The following LINGO2 variants were observed in gnomAD, a reference collection of about 807,000 sequenced individuals.
LINGO2 encodes leucine rich repeat and Ig domain containing 2, also known as leucine-rich repeat and immunoglobulin-like domain-containing nogo receptor-interacting protein 2.
Under a neutral mutation model 30.6 loss-of-function variants are expected in LINGO2, and 14 were observed. That is an observed-to-expected ratio of 0.46 (90% CI 0.30 to 0.72). The LOEUF (loss-of-function observed/expected upper bound fraction) is 0.72, where lower values mean the gene tolerates loss of function less well. LINGO2 is among the 30% of genes least tolerant of loss of function. The pLI is 0.07. For synonymous variants in LINGO2, 317 were observed against 288.5 expected (o/e 1.10, Z -1.00); for missense variants, 729 against 751.7 (o/e 0.97, Z 0.35).
chr9:29,003,143 C>T, the LINGO2 span, among the ~76,000 whole-genome samples: 5 of 152,094 alleles, frequency 3.3e-5, no homozygotes, highest in African/African-American at 1.2e-4. Flanking sequence ...TCCCCTAGAG[C>T]CTTCAGAGAG....
At chr9:28,334,486 G>C (rs114338155) in intron 3 of LINGO2, among the ~76,000 whole-genome samples, 1 of 152,252 alleles carries the variant, frequency 6.6e-6, no homozygotes, top group African/African-American at 2.4e-5. Context: ...TTAACTCTGT[G>C]ACTGCTTTTT....
At chr9:28,468,312 T>C (rs1255174433) in intron 2 of LINGO2, among the ~76,000 whole-genome samples, 2 of 152,188 alleles carry the variant, frequency 1.3e-5, no homozygotes, top group African/African-American at 4.8e-5. Flanking sequence ...TAGATCATAT[T>C]TGCAAGGTTA....
At chr9:28,493,144 C>T (rs764266713) in intron 1 of LINGO2, among the ~76,000 whole-genome samples, 1 of 151,922 alleles carries the variant, frequency 6.6e-6, no homozygotes, top group African/African-American at 2.4e-5. Flanking sequence ...TATTTCCAGG[C>T]GATTATTTGC....
At chr9:28,068,500 A>G (rs1349657653) in intron 4 of LINGO2, among the ~76,000 whole-genome samples, 1 of 152,154 alleles carries the variant, frequency 6.6e-6, no homozygotes, top group Admixed American at 6.5e-5. Context: ...TTGGGGGTAG[A>G]GCTTCAATAT....
chr9:28,768,754 C>A, the LINGO2 span, among the ~76,000 whole-genome samples: 1 of 151,894 alleles, frequency 6.6e-6, no homozygotes, highest in African/African-American at 2.4e-5. Context: ...TATAGTACTT[C>A]ATGGCTTTTA....
rs544085402 is a variant in LINGO2 at position 27,997,402 on chromosome 9, C to A, written c.-36+14953G>T. Among the ~76,000 whole-genome samples, 15 of 152,244 alleles carry A rather than the reference C, an allele frequency of 9.9e-5. No homozygotes were observed. In the South Asian group the frequency reaches 2.5e-3, roughly 25 times the overall value. Reference sequence around the variant, plus strand: ...CACTTTGAGATGTGCTCCCCCCTCCCCCCGTCATAAGTGAGAAATCTGAGT... The same window carrying A: ...CACTTTGAGATGTGCTCCCCCCTCCACCCGTCATAAGTGAGAAATCTGAGT... On this transcript the variant is annotated intron_variant, in intron 5 of 5. Coordinates refer to ENST00000379992, the Ensembl canonical transcript of LINGO2.
At chr9:28,483,559 AT>A (rs1237328606) in intron 1 of LINGO2, among the ~76,000 whole-genome samples, 3 of 151,782 alleles carry the variant, frequency 2.0e-5, no homozygotes, top group Admixed American at 6.6e-5. Flanking sequence ...AAAAAAAAAG[AT>A]AAAAAAAGAA....
intron 2 of LINGO2, among the ~76,000 whole-genome samples, chr9:28,458,600 G>A (rs1824947035): frequency 6.6e-6 from 1 of 152,108 alleles, no homozygotes; most frequent in Non-Finnish European, 1.5e-5. Flanking sequence ...CACTGATCTT[G>A]TTAGAAACTG....
intron 2 of LINGO2, among the ~76,000 whole-genome samples, chr9:28,427,477 C>T (rs1427033961): frequency 2.0e-5 from 3 of 152,066 alleles, no homozygotes; most frequent in South Asian, 4.2e-4. Context: ...CACCATAATC[C>T]CATGAGGGAT....
chr9:28,345,400 T>C (rs1047207567), intron 3 of LINGO2, among the ~76,000 whole-genome samples: 2 of 152,132 alleles, frequency 1.3e-5, no homozygotes, highest in African/African-American at 4.8e-5. Flanking sequence ...AAGCCTTTGG[T>C]CAATCCATTA....
At chr9:29,009,958 G>A in the LINGO2 span, among the ~76,000 whole-genome samples, 1 of 152,236 alleles carries the variant, frequency 6.6e-6, no homozygotes, top group East Asian at 1.9e-4. Context: ...AAATGGTGCT[G>A]GGAAAACTGG....
intron 1 of LINGO2, among the ~76,000 whole-genome samples, chr9:28,577,784 C>T (rs1369180251): frequency 6.6e-6 from 1 of 152,012 alleles, no homozygotes; most frequent in Non-Finnish European, 1.5e-5. Context: ...TAAATAAATG[C>T]CAAGTAGCAC....
intron 4 of LINGO2, among the ~76,000 whole-genome samples, chr9:28,133,516 A>G (rs1827433484): frequency 6.6e-6 from 1 of 152,198 alleles, no homozygotes; most frequent in African/African-American, 2.4e-5. Context: ...TTTAAGATTC[A>G]ATTGATACTA....
At chr9:28,524,076 CAT>C (rs1358712425) in intron 1 of LINGO2, among the ~76,000 whole-genome samples, 1 of 151,992 alleles carries the variant, frequency 6.6e-6, no homozygotes, top group Non-Finnish European at 1.5e-5. Flanking sequence ...TAAGTATAGA[CAT>C]AGAAATCAAT....
In LINGO2 at chr9:28,530,060, G is replaced by T. The variant is rs111957698; in HGVS notation, c.-364-54035C>A. On this transcript the variant is annotated intron_variant, in intron 1 of 5. Coordinates refer to ENST00000379992, the Ensembl canonical transcript of LINGO2. Reference sequence around the variant, plus strand: ...TAGGAAGTGATTCTTGAGCTTTTTGGGGGGAGTGAAAGCTGGTTGGAGCAG... The same window carrying T: ...TAGGAAGTGATTCTTGAGCTTTTTGTGGGGAGTGAAAGCTGGTTGGAGCAG... Among the ~76,000 whole-genome samples the T allele has an allele frequency of 5.9e-3, 904 of 151,940 alleles. 11 individuals carry two copies. Among genetic ancestry groups the T allele is most frequent in the African/African-American group, 0.02 (820 of 41,432 alleles).
chr9:27,974,895 C>T (rs1458826682), intron 5 of LINGO2, among the ~76,000 whole-genome samples: 6 of 152,130 alleles, frequency 3.9e-5, no homozygotes, highest in Middle Eastern at 3.4e-3. Flanking sequence ...AATTTTGAAA[C>T]GCTACTTGGT....
the LINGO2 span, among the ~76,000 whole-genome samples, chr9:28,999,784 T>A: frequency 6.6e-6 from 1 of 151,972 alleles, no homozygotes; most frequent in Non-Finnish European, 1.5e-5. Flanking sequence ...ATGCAACCTT[T>A]AGAAAAAGAA....
At chr9:28,412,824 AAT>A (rs991681130) in intron 2 of LINGO2, among the ~76,000 whole-genome samples, 1 of 152,034 alleles carries the variant, frequency 6.6e-6, no homozygotes, top group African/African-American at 2.4e-5. Context: ...ACCCTTGAGC[AAT>A]ATAGGTTTAA....
chr9:28,495,015 T>A (rs542332200), intron 1 of LINGO2, among the ~76,000 whole-genome samples: 1 of 152,366 alleles, frequency 6.6e-6, no homozygotes, highest in Admixed American at 6.5e-5. Flanking sequence ...ATAAATGTTT[T>A]CTTTTGAGAA....
Sources: allele counts gnomAD v4.1 joint callset (sites outside exome capture counted in the v4.1 genomes callset), GRCh38; gene constraint gnomAD v4.1.1; transcripts MANE v1.5; gene names NCBI Gene and HGNC (gene_info 2026-07-23, HGNC 2026-07-21).